GPC5: variants seen among roughly 807,000 people sequenced by gnomAD.
GPC5 encodes glypican-5.
GPC5 carries 47 observed loss-of-function variants against 53.9 expected under a neutral mutation model. The observed-to-expected ratio is 0.87, with a 90% CI of 0.69 to 1.11. GPC5 has a LOEUF of 1.11. Among genes scored for constraint, GPC5 ranks in the 50% most tolerant of loss-of-function variants. GPC5 has a pLI of 0.00. For missense variants in GPC5, 748 were observed against 713.1 expected (o/e 1.05, Z -0.56); for synonymous variants, 286 against 263.3 (o/e 1.09, Z -0.84).
chr13:91,998,428 A>T (rs1048475297), intron 6 of GPC5, among the ~76,000 whole-genome samples: 2 of 152,228 alleles, frequency 1.3e-5, no homozygotes, highest in Non-Finnish European at 2.9e-5. Flanking sequence ...TTAATATCAT[A>T]TATAATTTCT....
chr13:92,071,376 A>T (rs2041209813), intron 6 of GPC5, among the ~76,000 whole-genome samples: 1 of 152,214 alleles, frequency 6.6e-6, no homozygotes, highest in African/African-American at 2.4e-5. Context: ...ACATTCTTCA[A>T]GTTCAGATAA....
At chr13:91,545,010 A>C (rs543687417) in intron 2 of GPC5, among the ~76,000 whole-genome samples, 1 of 152,236 alleles carries the variant, frequency 6.6e-6, no homozygotes, top group East Asian at 1.9e-4. Flanking sequence ...GGGTCTAACA[A>C]TAGGGCTATT....
chr13:91,537,179 G>T (rs1281637217), intron 2 of GPC5, among the ~76,000 whole-genome samples: 2 of 151,822 alleles, frequency 1.3e-5, no homozygotes, highest in Non-Finnish European at 2.9e-5. Context: ...CAGAAGAAAA[G>T]ACGTAATAAA....
At chr13:92,015,721 A>AT (rs1183202825) in intron 6 of GPC5, among the ~76,000 whole-genome samples, 2 of 152,080 alleles carry the variant, frequency 1.3e-5, no homozygotes, top group Non-Finnish European at 2.9e-5. Flanking sequence ...CAGGTGCTTA[A>AT]TTTTTTTCAA....
At chr13:92,105,121 A>C (rs1488644718) in intron 6 of GPC5, among the ~76,000 whole-genome samples, 1 of 152,018 alleles carries the variant, frequency 6.6e-6, no homozygotes, top group Admixed American at 6.6e-5. Flanking sequence ...CAAGGAAAAA[A>C]AATGATCATT....
At chr13:92,014,114 A>C (rs1025536881) in intron 6 of GPC5, among the ~76,000 whole-genome samples, 2 of 152,200 alleles carry the variant, frequency 1.3e-5, no homozygotes, top group Non-Finnish European at 2.9e-5. Context: ...GTGCCATGAG[A>C]ACAGAACATT....
intron 2 of GPC5, among the ~76,000 whole-genome samples, chr13:91,587,586 T>C (rs2032646092): frequency 6.6e-6 from 1 of 152,180 alleles, no homozygotes; most frequent in Non-Finnish European, 1.5e-5. Flanking sequence ...ACTTCTTCCT[T>C]ATCTTTCTCT....
intron 7 of GPC5, among the ~76,000 whole-genome samples, chr13:92,156,396 T>C (rs2041945428): frequency 6.6e-6 from 1 of 152,190 alleles, no homozygotes; most frequent in African/African-American, 2.4e-5. Flanking sequence ...TGTTTTCACA[T>C]TGATTTTCAA....
chr13:92,507,768 C>G (rs1230367724), intron 7 of GPC5, among the ~76,000 whole-genome samples: 5 of 152,142 alleles, frequency 3.3e-5, no homozygotes, highest in African/African-American at 1.2e-4. Flanking sequence ...TTTGCTGATT[C>G]ATAGGAATAA....
intron 7 of GPC5, among the ~76,000 whole-genome samples, chr13:92,712,753 T>G (rs546002930): frequency 6.6e-6 from 1 of 152,312 alleles, no homozygotes; most frequent in East Asian, 1.9e-4. Context: ...GTGTGGCTGA[T>G]TTTTTGAGAT....
At chr13:92,721,230 GGCA>G (rs1289871120) in intron 7 of GPC5, among the ~76,000 whole-genome samples, 1 of 151,738 alleles carries the variant, frequency 6.6e-6, no homozygotes, top group Non-Finnish European at 1.5e-5. Flanking sequence ...CTGTACACCC[GGCA>G]GCTGCTAGAC....
chr13:91,742,945 T>C (rs2036967831), intron 4 of GPC5, among the ~76,000 whole-genome samples: 1 of 152,164 alleles, frequency 6.6e-6, no homozygotes, highest in Non-Finnish European at 1.5e-5. Flanking sequence ...ATTGGACAGT[T>C]TTCAAACTGG....
intron 7 of GPC5, among the ~76,000 whole-genome samples, chr13:92,336,190 A>G (rs904988086): frequency 7.2e-5 from 11 of 152,238 alleles, no homozygotes; most frequent in African/African-American, 2.7e-4. Context: ...CCATGTTTCT[A>G]CAGATCTCAC....
chr13:91,456,827 A>G (rs955040242), intron 2 of GPC5, among the ~76,000 whole-genome samples: 5 of 134,062 alleles, frequency 3.7e-5, no homozygotes, highest in Non-Finnish European at 1.6e-5. Flanking sequence ...GCATATGAAT[A>G]TGGGATTTTT....
chr13:91,949,376 C>A (rs2040005290), intron 6 of GPC5, among the ~76,000 whole-genome samples: 1 of 152,074 alleles, frequency 6.6e-6, no homozygotes, highest in Admixed American at 6.5e-5. Flanking sequence ...ATAGTTAATT[C>A]ATAACTCTAT....
chr13:91,760,150 G>T (rs996152808), intron 5 of GPC5, among the ~76,000 whole-genome samples: 2 of 152,004 alleles, frequency 1.3e-5, no homozygotes, highest in African/African-American at 4.8e-5. Flanking sequence ...GTTGTAAAAA[G>T]TGCTATTTAT....
chr13:91,556,522 G>GTATATATATA (rs202160698), intron 2 of GPC5, among the ~76,000 whole-genome samples: 32 of 147,596 alleles, frequency 2.2e-4, no homozygotes, highest in African/African-American at 7.5e-4. Flanking sequence ...TGCAGTATGT[G>GTATATATATA]TATATATATA....
At chr13:91,565,909 G>A (rs984712541) in intron 2 of GPC5, among the ~76,000 whole-genome samples, 1 of 152,122 alleles carries the variant, frequency 6.6e-6, no homozygotes, top group African/African-American at 2.4e-5. Context: ...TTCGTGGCTG[G>A]TGGCACTTTT....
At chr13:92,719,190 G>A (rs1888431210) in intron 7 of GPC5, among the ~76,000 whole-genome samples, 1 of 147,580 alleles carries the variant, frequency 6.8e-6, no homozygotes, top group African/African-American at 2.5e-5. Context: ...TAATGATTTT[G>A]TACCAAGAGG....
Sources: allele counts gnomAD v4.1 joint callset (sites outside exome capture counted in the v4.1 genomes callset), GRCh38; gene constraint gnomAD v4.1.1; transcripts MANE v1.5; gene names NCBI Gene and HGNC (gene_info 2026-07-23, HGNC 2026-07-21).